CFAP144: variants seen among roughly 807,000 people sequenced by gnomAD.
The protein encoded by CFAP144 is cilia- and flagella-associated protein 144.
At chr1:43,147,910 T>C in the CFAP144 span, 2 of 1,605,804 alleles carry the variant, frequency 1.2e-6, no homozygotes, top group Non-Finnish European at 1.7e-6. Context: ...GCCTGGAGAC[T>C]GTGGAAGGCC....
At chr1:43,155,238 T>C in the CFAP144 span, among the ~76,000 whole-genome samples, 1 of 152,236 alleles carries the variant, frequency 6.6e-6, no homozygotes, top group Non-Finnish European at 1.5e-5. Context: ...ATGAAGCAAC[T>C]TAGAAGAATA....
the CFAP144 span, among the ~76,000 whole-genome samples, chr1:43,150,098 C>G: frequency 6.6e-6 from 1 of 152,328 alleles, no homozygotes; most frequent in Non-Finnish European, 1.5e-5. Flanking sequence ...CCAGCCCCAA[C>G]GCCAACTCTC....
the CFAP144 span, among the ~76,000 whole-genome samples, chr1:43,143,633 AG>A: frequency 7.2e-5 from 11 of 152,166 alleles, no homozygotes; most frequent in East Asian, 1.9e-4. Context: ...GTAGTGAGCA[AG>A]GAAGTCCAAA....
the CFAP144 span, chr1:43,147,691 G>A: frequency 1.2e-6 from 1 of 849,820 alleles, no homozygotes; most frequent in Non-Finnish European, 1.4e-6. Context: ...CTAGTAACCA[G>A]CCGGGCCTGA....
the CFAP144 span, among the ~76,000 whole-genome samples, chr1:43,146,439 C>T: frequency 6.6e-6 from 1 of 152,062 alleles, no homozygotes; most frequent in South Asian, 2.1e-4. Context: ...TAAAAGTAAC[C>T]TCAGGTCATC....
At chr1:43,147,977 T>C in the CFAP144 span, 1 of 1,613,934 alleles carries the variant, frequency 6.2e-7, no homozygotes, top group Non-Finnish European at 8.5e-7. Flanking sequence ...AAAGAGAAGG[T>C]GATTCCAGAT....
the CFAP144 span, among the ~76,000 whole-genome samples, chr1:43,152,544 C>T: frequency 6.6e-6 from 1 of 152,226 alleles, no homozygotes; most frequent in African/African-American, 2.4e-5. Context: ...AATACTGTGT[C>T]CTCTGCCTCA....
chr1:43,148,168 C>G, the CFAP144 span: 1 of 1,435,920 alleles, frequency 7.0e-7, no homozygotes, highest in African/African-American at 1.4e-5. Flanking sequence ...GGGGTGGGAA[C>G]GCGGTCCCAG....
At chr1:43,155,072 T>C in the CFAP144 span, among the ~76,000 whole-genome samples, 1 of 152,106 alleles carries the variant, frequency 6.6e-6, no homozygotes, top group Non-Finnish European at 1.5e-5. Flanking sequence ...AATTGGACAA[T>C]GTAGAGGAAA....
At chr1:43,154,819 C>T in the CFAP144 span, among the ~76,000 whole-genome samples, 44 of 152,088 alleles carry the variant, frequency 2.9e-4, no homozygotes, top group African/African-American at 9.2e-4. Flanking sequence ...TGGGCAAGTG[C>T]GACTGTGTAG....
chr1:43,147,769 C>G, the CFAP144 span: 3 of 1,447,814 alleles, frequency 2.1e-6, no homozygotes, highest in Non-Finnish European at 2.7e-6. Context: ...GACCGGCGGG[C>G]GCGGGGCGGG....
the CFAP144 span, chr1:43,150,611 C>T: frequency 1.2e-5 from 8 of 654,066 alleles, no homozygotes; most frequent in African/African-American, 1.8e-5. Context: ...CTTATCCAAT[C>T]GTGCATTATC....
At chr1:43,149,307 G>T in the CFAP144 span, among the ~76,000 whole-genome samples, 1 of 152,048 alleles carries the variant, frequency 6.6e-6, no homozygotes, top group Admixed American at 6.6e-5. Flanking sequence ...AAATACTTTG[G>T]TGCCTACTCT....
chr1:43,145,073 A>G, the CFAP144 span: 9 of 597,036 alleles, frequency 1.5e-5, no homozygotes, highest in Non-Finnish European at 2.7e-5. Flanking sequence ...TTTTGTCTCC[A>G]TTCCCGTCTG....
the CFAP144 span, chr1:43,147,922 A>G: frequency 1.2e-6 from 2 of 1,611,818 alleles, no homozygotes; most frequent in Non-Finnish European, 1.7e-6. Flanking sequence ...TGGAAGGCCC[A>G]GGCAAGAGGG....
At chr1:43,147,512 G>A in the CFAP144 span, among the ~76,000 whole-genome samples, 2 of 152,082 alleles carry the variant, frequency 1.3e-5, no homozygotes, top group South Asian at 2.1e-4. Context: ...CGGTTTTTTT[G>A]TGAGGTTTTG....
chr1:43,154,481 A>G, the CFAP144 span, among the ~76,000 whole-genome samples: 2 of 151,128 alleles, frequency 1.3e-5, no homozygotes, highest in Admixed American at 6.6e-5. Flanking sequence ...GTACAAAGAG[A>G]CAGGTATGGT....
At chr1:43,148,199 C>T in the CFAP144 span, 2 of 1,060,420 alleles carry the variant, frequency 1.9e-6, no homozygotes, top group Non-Finnish European at 2.7e-6. Flanking sequence ...TTCCCCAGCA[C>T]CCGCCCCCTT....
the CFAP144 span, chr1:43,148,201 C>T: frequency 1.9e-6 from 2 of 1,042,106 alleles, no homozygotes; most frequent in African/African-American, 3.2e-5. Context: ...CCCCAGCACC[C>T]GCCCCCTTTC....
Sources: allele counts gnomAD v4.1 joint callset (sites outside exome capture counted in the v4.1 genomes callset), GRCh38; gene constraint gnomAD v4.1.1; transcripts MANE v1.5; gene names NCBI Gene and HGNC (gene_info 2026-07-23, HGNC 2026-07-21).